Variants in RABEP1 observed in about 807,000 individuals in gnomAD.
The protein encoded by RABEP1 is rabaptin, RAB GTPase binding effector protein 1.
In RABEP1, 51 loss-of-function variants were observed where a neutral mutation model predicts 123.4. The observed-to-expected ratio is 0.41, with a 90% CI of 0.33 to 0.52. RABEP1 has a LOEUF of 0.52. Ranked by LOEUF, RABEP1 falls within the 20% of genes least tolerant of loss-of-function variation. The pLI, the probability that RABEP1 is intolerant of heterozygous loss-of-function variation, is 0.16. For synonymous variants in RABEP1, 347 were observed against 355.2 expected, an observed-to-expected ratio of 0.98 and a Z score of 0.26; for missense variants, 888 against 996.3, an observed-to-expected ratio of 0.89 and a Z score of 1.46.
Position 5,384,636 on chromosome 17 carries a change from G to C in RABEP1, c.*1413G>C. On this transcript the variant is annotated 3_prime_UTR_variant, in exon 18 of 18. Coordinates refer to ENST00000537505, the MANE Select transcript of RABEP1 (RefSeq NM_004703.6). The stretch of plus-strand genomic sequence containing the variant: ...ATCTTCTGTACTTCTGTCTTCCATA[G>C]GACAAATGATAAGTACTACATACCT... 1 of 213,404 alleles carries C rather than the reference G, an allele frequency of 4.7e-6. No homozygotes were observed. Among genetic ancestry groups the C allele is most frequent in the Non-Finnish European group, 9.4e-6 (1 of 105,826 alleles). The allele number at this position is 213,404 out of a possible 1,614,324, so 13.2% of individuals were successfully genotyped here.
chr17:5,385,028 C>T lies in RABEP1; in HGVS notation c.*1805C>T, dbSNP rs955568732. The T allele has an allele frequency of 4.4e-6, 1 of 228,900 alleles. No individual in the cohort carries two copies. The highest frequency in any genetic ancestry group is 8.7e-6 in the Non-Finnish European group (1 of 115,462). 14.2% of individuals were successfully genotyped at this position (228,900 alleles called of 1,614,324 possible). A position where few individuals can be genotyped will look rare whatever the true frequency, so the allele number is the denominator to read the frequency against. On this transcript the variant is annotated 3_prime_UTR_variant, in exon 18 of 18. Coordinates refer to ENST00000537505, the MANE Select transcript of RABEP1 (RefSeq NM_004703.6). ...CTTGCAGTGAAGTGTTCTGCTGAGACTGAGCACCTTACAGATATTTTTCTC... is the reference window on the plus strand; with the variant it reads ...CTTGCAGTGAAGTGTTCTGCTGAGATTGAGCACCTTACAGATATTTTTCTC...
chr17:5,332,240 TAC>T (rs1178427956), intron 3 of RABEP1, 88 bp downstream of exon 3: 4 of 1,258,558 alleles, frequency 3.2e-6, no homozygotes, highest in East Asian at 5.0e-5. Flanking sequence ...TTAAAATATA[TAC>T]AGAGTTTCAT....
chr17:5,380,942 G>T (rs1911399371), intron 16 of RABEP1, among the ~76,000 whole-genome samples: 2 of 152,122 alleles, frequency 1.3e-5, no homozygotes, highest in Admixed American at 1.3e-4. Flanking sequence ...GCTTGTTTTT[G>T]GAAAGGCTCC....
chr17:5,381,536 A>G, intron 17 of RABEP1, 31 bp downstream of exon 17: 8 of 1,600,632 alleles, frequency 5.0e-6, no homozygotes, highest in Non-Finnish European at 6.8e-6. Context: ...CATACAGAGC[A>G]CGAAGGCAGT....
At position 5,383,624 on chromosome 17, in the gene RABEP1, G is replaced by A; in HGVS notation, c.*401G>A. 3.9e-6 allele frequency: 1 copy of A among 259,690 alleles called. No individual in the cohort carries two copies. Among genetic ancestry groups the A allele is most frequent in the East Asian group, 5.5e-5 (1 of 18,026 alleles). 16.1% of individuals were successfully genotyped at this position (259,690 alleles called of 1,614,324 possible). Reference sequence around the variant, plus strand: ...GAAGAGAGAATTTGCTTTATCTGTTGTCTAGAGCTCATCAGTAACAGTATT... The same window carrying A: ...GAAGAGAGAATTTGCTTTATCTGTTATCTAGAGCTCATCAGTAACAGTATT... On this transcript the variant is annotated 3_prime_UTR_variant, in exon 18 of 18. Transcript: ENST00000537505.
At chr17:5,287,689 G>A (rs1195937514) in intron 1 of RABEP1, among the ~76,000 whole-genome samples, 8 of 151,902 alleles carry the variant, frequency 5.3e-5, no homozygotes, top group Non-Finnish European at 1.0e-4. Context: ...GGAGGCCTAG[G>A]TGGGTGGATT....
At chr17:5,352,477 G>A (rs1387834627) in intron 7 of RABEP1, among the ~76,000 whole-genome samples, 1 of 151,354 alleles carries the variant, frequency 6.6e-6, no homozygotes, top group Admixed American at 6.6e-5. Context: ...ACAGGCATGA[G>A]CCACCATGCC....
intron 2 of RABEP1, among the ~76,000 whole-genome samples, chr17:5,311,720 A>G (rs902981792): frequency 6.5e-5 from 9 of 139,172 alleles, no homozygotes; most frequent in African/African-American, 2.4e-4. Context: ...AAAAAAAAAA[A>G]CAGACTAAAA....
At chr17:5,335,145 A>G (rs1192689111) in intron 3 of RABEP1, 39 bp from the exon 4 acceptor site, 2 of 1,488,976 alleles carry the variant, frequency 1.3e-6, no homozygotes, top group Admixed American at 2.2e-5. Context: ...TTTTTTTTTC[A>G]TAATGCTTAG....
At chr17:5,353,196 C>T (rs534501654) in intron 7 of RABEP1, among the ~76,000 whole-genome samples, 1 of 152,314 alleles carries the variant, frequency 6.6e-6, no homozygotes, top group Admixed American at 6.5e-5. Flanking sequence ...GCCTGCTTTT[C>T]CATGTTTCTG....
At chr17:5,323,879 A>AATATATATATATATAT (rs1597355830) in intron 2 of RABEP1, among the ~76,000 whole-genome samples, 2 of 129,970 alleles carry the variant, frequency 1.5e-5, no homozygotes, top group East Asian at 2.3e-4. Context: ...TATATCTAGG[A>AATATATATATATATAT]ATCAATTTAA....
At chr17:5,358,419 G>A (rs1276418428) in intron 8 of RABEP1, among the ~76,000 whole-genome samples, 2 of 151,782 alleles carry the variant, frequency 1.3e-5, no homozygotes, top group South Asian at 2.1e-4. Flanking sequence ...AAGTGTAATC[G>A]CAGCACTTTT....
chr17:5,357,475 G>T (rs186051676), intron 8 of RABEP1, among the ~76,000 whole-genome samples: 1 of 151,980 alleles, frequency 6.6e-6, no homozygotes, highest in Non-Finnish European at 1.5e-5. Context: ...GGGTTCAAGC[G>T]ATTCTCGTGC....
chr17:5,352,479 C>T (rs1908641591), intron 7 of RABEP1, among the ~76,000 whole-genome samples: 1 of 151,864 alleles, frequency 6.6e-6, no homozygotes, highest in East Asian at 2.0e-4. Context: ...AGGCATGAGC[C>T]ACCATGCCCT....
chr17:5,305,835 G>T (rs970939635), intron 1 of RABEP1, among the ~76,000 whole-genome samples: 1 of 152,138 alleles, frequency 6.6e-6, no homozygotes, highest in Admixed American at 6.6e-5. Context: ...TTTCCTTCCA[G>T]TGGATTTCTC....
chr17:5,332,207 A>G, intron 3 of RABEP1, 55 bp downstream of exon 3: 3 of 1,480,324 alleles, frequency 2.0e-6, no homozygotes, highest in African/African-American at 2.8e-5. Flanking sequence ...GATTCTGATG[A>G]TTGAGAATAT....
At chr17:5,299,610 T>C (rs781090770) in intron 1 of RABEP1, among the ~76,000 whole-genome samples, 1 of 151,804 alleles carries the variant, frequency 6.6e-6, no homozygotes, top group South Asian at 2.1e-4. Flanking sequence ...GTCACGGTTT[T>C]ATTTTTGCCT....
chr17:5,345,093 A>G (rs1907961191), intron 5 of RABEP1, among the ~76,000 whole-genome samples: 1 of 152,250 alleles, frequency 6.6e-6, no homozygotes, highest in South Asian at 2.1e-4. Flanking sequence ...GGGGAAATGT[A>G]AATGAAAGTG....
At chr17:5,313,088 C>T (rs907594494) in intron 2 of RABEP1, among the ~76,000 whole-genome samples, 9 of 152,178 alleles carry the variant, frequency 5.9e-5, no homozygotes, top group East Asian at 1.9e-4. Flanking sequence ...CCAGCCTGGT[C>T]GACAGAGCGA....
Sources: allele counts gnomAD v4.1 joint callset (sites outside exome capture counted in the v4.1 genomes callset), GRCh38; gene constraint gnomAD v4.1.1; transcripts MANE v1.5; gene names NCBI Gene and HGNC (gene_info 2026-07-23, HGNC 2026-07-21).